CASS4: variants seen among roughly 807,000 people sequenced by gnomAD.
CASS4 encodes Cas scaffold protein family member 4, also known as cas scaffolding protein family member 4.
A neutral mutation model predicts 54.2 loss-of-function variants in CASS4; 22 were observed. The observed-to-expected ratio is 0.41, with a 90% CI of 0.29 to 0.58. CASS4 has a LOEUF of 0.58. Ranked by LOEUF, CASS4 falls within the 20% of genes least tolerant of loss-of-function variation. The probability of loss-of-function intolerance (pLI) is 0.36; values close to 1 mark genes in which losing one functional copy is unlikely to be tolerated. For synonymous variants in CASS4, 409 were observed against 391.5 expected, an observed-to-expected ratio of 1.04 and a Z score of -0.53; for missense variants, 854 against 986.7, an observed-to-expected ratio of 0.87 and a Z score of 1.80.
At chr20:56,418,135 C>T (rs1158041147) in intron 1 of CASS4, among the ~76,000 whole-genome samples, 2 of 152,018 alleles carry the variant, frequency 1.3e-5, no homozygotes, top group African/African-American at 4.8e-5. Context: ...GTAAATAGAC[C>T]CATGGTTTCA....
At chr20:56,456,256 A>G (rs1349829534) in intron 5 of CASS4, among the ~76,000 whole-genome samples, 1 of 151,880 alleles carries the variant, frequency 6.6e-6, no homozygotes, top group Admixed American at 6.6e-5. Context: ...CTATCTCCAC[A>G]CATTTCCAGC....
chr20:56,449,013 A>T (rs1233515327), intron 3 of CASS4, among the ~76,000 whole-genome samples: 1 of 152,184 alleles, frequency 6.6e-6, no homozygotes, highest in East Asian at 1.9e-4. Flanking sequence ...TGTTGGTGGG[A>T]CTGTAAACTA....
chr20:56,450,284 C>A (rs6092316), intron 3 of CASS4, among the ~76,000 whole-genome samples: 43,528 of 152,074 alleles, frequency 0.29, 7,550 homozygotes, highest in East Asian at 0.52. Flanking sequence ...TCAGCCTCCC[C>A]AAGTGTTGGG....
chr20:56,422,090 T>C (rs1274540196), intron 1 of CASS4, among the ~76,000 whole-genome samples: 1 of 152,234 alleles, frequency 6.6e-6, no homozygotes, highest in Non-Finnish European at 1.5e-5. Flanking sequence ...GGGTTTTTCA[T>C]GAGCAAGGGT....
rs1432384757 is a variant in CASS4 at position 56,460,181 on chromosome 20, TATTA to T, written c.*1438_*1441del. 1 of 152,616 alleles carries T rather than the reference TATTA, an allele frequency of 6.6e-6. No homozygotes were observed. Among genetic ancestry groups the T allele is most frequent in the Non-Finnish European group, 1.5e-5 (1 of 68,036 alleles). 9.5% of individuals were successfully genotyped at this position (152,616 alleles called of 1,614,324 possible). A position where few individuals can be genotyped will look rare whatever the true frequency, so the allele number is the denominator to read the frequency against. On this transcript the variant is annotated 3_prime_UTR_variant, in exon 6 of 6. Transcript: ENST00000679887. Reference sequence around the variant, plus strand: ...ACATAACATGATCTGTTGGGTTCTCTATTAATTTATTTCATACATTATAGATTCT... The same window carrying T: ...ACATAACATGATCTGTTGGGTTCTCTATTTATTTCATACATTATAGATTCT...
chr20:56,416,661 T>C (rs903262406), intron 1 of CASS4, among the ~76,000 whole-genome samples: 2 of 152,182 alleles, frequency 1.3e-5, no homozygotes, highest in African/African-American at 4.8e-5. Context: ...TGTCCAGGAA[T>C]TGAAAGAGGA....
intron 2 of CASS4, among the ~76,000 whole-genome samples, chr20:56,441,306 C>A (rs114789244): frequency 0.074 from 11,156 of 150,174 alleles, 960 homozygotes; most frequent in African/African-American, 0.21. Context: ...TTTACTTAAA[C>A]ATTGTTTTAA....
chr20:56,418,137 A>G (rs1979234120), intron 1 of CASS4, among the ~76,000 whole-genome samples: 1 of 152,090 alleles, frequency 6.6e-6, no homozygotes, highest in Middle Eastern at 3.2e-3. Flanking sequence ...AAATAGACCC[A>G]TGGTTTCAGG....
chr20:56,435,550 A>G (rs143992087), intron 1 of CASS4, among the ~76,000 whole-genome samples: 27 of 152,324 alleles, frequency 1.8e-4, no homozygotes, highest in African/African-American at 6.3e-4. Context: ...AGTTGCCTTC[A>G]TGTAATTACA....
At chr20:56,412,200 G>A (rs942354424), upstream of CASS4, 19 of 493,044 alleles carry the variant, frequency 3.9e-5, no homozygotes, top group African/African-American at 1.2e-4. The surrounding 1 kb of genome is among the most constrained non-coding windows in gnomAD (Gnocchi z 4.2). Context: ...AAAGTGAGAC[G>A]TCAGGCATTG....
intron 3 of CASS4, among the ~76,000 whole-genome samples, chr20:56,446,788 GC>G (rs1421678443): frequency 6.6e-6 from 1 of 152,120 alleles, no homozygotes; most frequent in Non-Finnish European, 1.5e-5. Context: ...TCTAGATGGG[GC>G]CCAAACATCA....
intron 1 of CASS4, among the ~76,000 whole-genome samples, chr20:56,422,636 G>A (rs6024871): frequency 0.014 from 2,160 of 152,232 alleles, 50 homozygotes; most frequent in African/African-American, 0.049. Context: ...TCAAAGCCCC[G>A]TTAGTAGGCA....
chr20:56,452,852 T>C lies in CASS4; in HGVS notation c.1676T>C (p.Leu559Pro). 6.2e-7 allele frequency: 1 copy of C among 1,614,018 alleles called. No homozygotes were observed. Among genetic ancestry groups the C allele is most frequent in the Non-Finnish European group, 8.5e-7 (1 of 1,179,986 alleles). The change falls in exon 5 of 6, where the codon CTT becomes CCT. Residue 559 changes from leucine to proline, a missense_variant. By Grantham distance (98) the Leu-to-Pro change is moderately conservative (BLOSUM62 -3). Coordinates refer to ENST00000679887, the MANE Select transcript of CASS4 (RefSeq NM_020356.4). ...AGTGTCCAGAACAGCCCAGATGACCTTGAGAGGTTTGTCATGGTGGCACGG... is the reference window on the plus strand; with the variant it reads ...AGTGTCCAGAACAGCCCAGATGACCCTGAGAGGTTTGTCATGGTGGCACGG... ...TDSVQNSPDD[L>P]ERFVMVARML...
At chr20:56,451,513 G>A (rs1388427491) in intron 4 of CASS4, among the ~76,000 whole-genome samples, 3 of 152,024 alleles carry the variant, frequency 2.0e-5, no homozygotes, top group African/African-American at 4.8e-5. Flanking sequence ...GTTGCCAAGG[G>A]CATTTAGAGC....
Position 56,458,862 on chromosome 20 carries a change from A to G in CASS4, c.*115A>G. ...GGCATACACCAATGAGCTGAAACAGACCTGGTGCCCAAAGCTGGTAGTACC... is the reference window on the plus strand; with the variant it reads ...GGCATACACCAATGAGCTGAAACAGGCCTGGTGCCCAAAGCTGGTAGTACC... On this transcript the variant is annotated 3_prime_UTR_variant, in exon 6 of 6. Transcript: ENST00000679887. 9.1e-7 allele frequency: 1 copy of G among 1,095,914 alleles called. No individual in the cohort carries two copies. Among genetic ancestry groups the G allele is most frequent in the Non-Finnish European group, 1.3e-6 (1 of 781,098 alleles). 67.9% of individuals were successfully genotyped at this position (1,095,914 alleles called of 1,614,324 possible).
chr20:56,439,134 T>G (rs1262453788), intron 2 of CASS4, among the ~76,000 whole-genome samples: 1 of 152,174 alleles, frequency 6.6e-6, no homozygotes, highest in Non-Finnish European at 1.5e-5. Flanking sequence ...TATGTCATAT[T>G]GAACATGTAT....
rs112722559 is a variant in CASS4 at position 56,451,479 on chromosome 20, G to GA, written c.643-340_643-339insA. Among the ~76,000 whole-genome samples the GA allele has an allele frequency of 4.0e-5, 6 of 151,116 alleles. No individual in the cohort carries two copies. The South Asian group carries it at 1.2e-3, about 31-fold the overall frequency. ...TCGCCGTGTCAGGGGGATGCATAGGGGTTTGGTGGATGGAAAAGAAAGGGT... is the reference window on the plus strand; with the variant it reads ...TCGCCGTGTCAGGGGGATGCATAGGGAGTTTGGTGGATGGAAAAGAAAGGGT... On this transcript the variant is annotated intron_variant, in intron 4 of 5. Transcript: ENST00000679887.
intron 1 of CASS4, among the ~76,000 whole-genome samples, chr20:56,426,485 TTG>T (rs1165308492): frequency 1.3e-5 from 2 of 152,192 alleles, no homozygotes; most frequent in Non-Finnish European, 2.9e-5. Flanking sequence ...CAGAATGGTT[TTG>T]TGAGGGGCTA....
chr20:56,439,995 A>T lies in CASS4; in HGVS notation c.459+2409A>T, dbSNP rs142010631. 7.9e-3 allele frequency among the ~76,000 whole-genome samples: 1,210 copies of T among 152,352 alleles called. 19 individuals are homozygous for T. Among genetic ancestry groups the T allele is most frequent in the African/African-American group, 0.028 (1,166 of 41,582 alleles). ...GGGCCCCAGGAATGTGCTACTCACCATTCAGGCCTTCTCCACACCAGCTTC... is the reference window on the plus strand; with the variant it reads ...GGGCCCCAGGAATGTGCTACTCACCTTTCAGGCCTTCTCCACACCAGCTTC... On this transcript the variant is annotated intron_variant, in intron 2 of 5. Transcript: ENST00000679887.
Sources: gnomAD v4.1 joint callset for allele counts (sites outside exome capture counted in the v4.1 genomes callset) on GRCh38, gnomAD v4.1.1 for gene constraint, Gnocchi (gnomAD v3.1) non-coding constraint, MANE v1.5 for transcripts, NCBI Gene and HGNC (gene_info 2026-07-23, HGNC 2026-07-21) for gene names.